Variants in GALNT17 observed in about 807,000 individuals in gnomAD.
GALNT17 encodes the protein polypeptide N-acetylgalactosaminyltransferase 17.
GALNT17 carries 29 observed loss-of-function variants against 63.7 expected under a neutral mutation model. That is an observed-to-expected ratio of 0.46 (90% CI 0.34 to 0.62). GALNT17 has a LOEUF of 0.62. Among genes scored for constraint, GALNT17 ranks in the 20% least tolerant of loss-of-function variants. The pLI, the probability that GALNT17 is intolerant of heterozygous loss-of-function variation, is 0.01. For synonymous variants in GALNT17, 305 were observed against 318.3 expected (o/e 0.96, Z 0.45); for missense variants, 603 against 799.6 (o/e 0.75, Z 2.97).
chr7:71,285,706 A>AAAAG (rs1176617397), intron 1 of GALNT17, among the ~76,000 whole-genome samples: 1 of 152,150 alleles, frequency 6.6e-6, no homozygotes, highest in Non-Finnish European at 1.5e-5. Flanking sequence ...GGACACAGCA[A>AAAAG]AAAGACAGTA....
intron 9 of GALNT17, among the ~76,000 whole-genome samples, chr7:71,697,671 C>T (rs1242587094): frequency 6.6e-6 from 1 of 152,186 alleles, no homozygotes; most frequent in African/African-American, 2.4e-5. Context: ...CAGATAGTGG[C>T]TTGGCCATAA....
At chr7:71,540,293 TTTTAG>T (rs1788868221) in intron 5 of GALNT17, among the ~76,000 whole-genome samples, 1 of 151,192 alleles carries the variant, frequency 6.6e-6, no homozygotes. Flanking sequence ...ATTTTTGTAT[TTTTAG>T]GAGAGACTGG....
chr7:71,532,699 T>G (rs963409001), intron 5 of GALNT17, among the ~76,000 whole-genome samples: 5 of 152,222 alleles, frequency 3.3e-5, no homozygotes, highest in Admixed American at 1.3e-4. Context: ...GAGGCTACAC[T>G]ACGGGATCTG....
intron 5 of GALNT17, among the ~76,000 whole-genome samples, chr7:71,459,490 C>T (rs1327930082): frequency 6.6e-6 from 1 of 152,104 alleles, no homozygotes. Context: ...TTGTCTTGCC[C>T]AAATATCTAA....
intron 2 of GALNT17, among the ~76,000 whole-genome samples, chr7:71,384,590 G>A (rs2116329836): frequency 6.6e-6 from 1 of 152,298 alleles, no homozygotes; most frequent in African/African-American, 2.4e-5. Flanking sequence ...TTCATCAGCG[G>A]TAAAGACTTT....
chr7:71,300,349 A>G (rs1791172135), intron 1 of GALNT17: 1 of 421,774 alleles, frequency 2.4e-6, no homozygotes, highest in Non-Finnish European at 4.7e-6. Context: ...TTTCAAAACC[A>G]AGACGACACC....
At chr7:71,486,868 A>T (rs896344985) in intron 5 of GALNT17, among the ~76,000 whole-genome samples, 3 of 151,940 alleles carry the variant, frequency 2.0e-5, no homozygotes, top group Non-Finnish European at 4.4e-5. Context: ...GTCCAAAAAA[A>T]AAAAACAAAA....
intron 1 of GALNT17, among the ~76,000 whole-genome samples, chr7:71,252,776 C>T (rs1250881046): frequency 6.6e-6 from 1 of 152,170 alleles, no homozygotes; most frequent in Non-Finnish European, 1.5e-5. Context: ...ACCGGCTTCC[C>T]ATTTTGTTCC....
intron 1 of GALNT17, among the ~76,000 whole-genome samples, chr7:71,216,236 AAGAG>A (rs148129870): frequency 1.3e-5 from 2 of 150,874 alleles, no homozygotes; most frequent in African/African-American, 4.9e-5. Flanking sequence ...CCAAAACATG[AAGAG>A]AGAGAGAGAG....
intron 6 of GALNT17, among the ~76,000 whole-genome samples, chr7:71,613,530 CT>C (rs549348163): frequency 3.9e-4 from 60 of 152,278 alleles, no homozygotes; most frequent in African/African-American, 1.4e-3. Context: ...GTAGCCTCTG[CT>C]TTTTGGGAGG....
At position 71,335,591 on chromosome 7, in the gene GALNT17, C is replaced by A; in HGVS notation, c.280C>A (p.Arg94=). 6.2e-7 allele frequency: 1 copy of A among 1,602,974 alleles called. No homozygotes were observed. The highest frequency in any genetic ancestry group is 8.5e-7 in the Non-Finnish European group (1 of 1,175,682). Residue 94 remains arginine (R), a synonymous_variant, in exon 2 of 11, where the codon CGG becomes AGG. Coordinates refer to ENST00000333538, the MANE Select transcript of GALNT17 (RefSeq NM_022479.3). The part of the protein sequence containing the change: ...SLGLIEGYGG[R]GKGGLPATLS... ...TGGGCTCATTGAAGGTTATGGTGGG[C>A]GGGGTAAAGGGGGCCTTCCGGCTAC...
intron 3 of GALNT17, among the ~76,000 whole-genome samples, chr7:71,406,888 T>G (rs1247225284): frequency 6.6e-6 from 1 of 152,130 alleles, no homozygotes; most frequent in Admixed American, 6.6e-5. Context: ...CTGTGTTTTA[T>G]GTTCTTTCTA....
intron 5 of GALNT17, among the ~76,000 whole-genome samples, chr7:71,531,824 C>G (rs1788725653): frequency 6.6e-6 from 1 of 152,100 alleles, no homozygotes. Context: ...CTAGGCATTT[C>G]AAACAGAGCG....
intron 2 of GALNT17, 26 bp from the exon 3 acceptor site, chr7:71,388,209 T>C (rs761815438): frequency 1.1e-5 from 17 of 1,608,358 alleles, no homozygotes; most frequent in African/African-American, 1.3e-5. Context: ...CCTCTGACTC[T>C]GCATTTCCGA....
chr7:71,384,936 A>ACT (rs1274426828), intron 2 of GALNT17, among the ~76,000 whole-genome samples: 1 of 152,146 alleles, frequency 6.6e-6, no homozygotes, highest in Non-Finnish European at 1.5e-5. Flanking sequence ...TGTTGTAGAT[A>ACT]CTTCGTTTGA....
chr7:71,573,741 C>T (rs1411017814), intron 6 of GALNT17, among the ~76,000 whole-genome samples: 2 of 152,042 alleles, frequency 1.3e-5, no homozygotes, highest in Non-Finnish European at 1.5e-5. Context: ...ATAATTGACA[C>T]CTCAATGAGC....
intron 1 of GALNT17, among the ~76,000 whole-genome samples, chr7:71,152,056 A>G (rs2116217780): frequency 6.6e-6 from 1 of 152,270 alleles, no homozygotes; most frequent in South Asian, 2.1e-4. Flanking sequence ...GATGTTAAAA[A>G]CTTTGCTAAT....
At chr7:71,576,409 A>C (rs1280414462) in intron 6 of GALNT17, among the ~76,000 whole-genome samples, 1 of 152,312 alleles carries the variant, frequency 6.6e-6, no homozygotes, top group Non-Finnish European at 1.5e-5. Flanking sequence ...TTCTGTTTTA[A>C]GTTTTTTGAG....
chr7:71,452,421 C>T (rs1787279399), intron 5 of GALNT17, among the ~76,000 whole-genome samples: 1 of 152,060 alleles, frequency 6.6e-6, no homozygotes, highest in Non-Finnish European at 1.5e-5. Flanking sequence ...TGGTGTGCAC[C>T]TGTAATCCCA....
Sources: allele counts gnomAD v4.1 joint callset (sites outside exome capture counted in the v4.1 genomes callset), GRCh38; gene constraint gnomAD v4.1.1; transcripts MANE v1.5; gene names NCBI Gene and HGNC (gene_info 2026-07-23, HGNC 2026-07-21).